TMED3: variants seen among roughly 807,000 people sequenced by gnomAD.
TMED3 encodes the protein transmembrane emp24 domain-containing protein 3.
Under a neutral mutation model 15.0 loss-of-function variants are expected in TMED3, and 9 were observed. The ratio of observed to expected loss-of-function variants is 0.60; its 90% CI spans 0.36 to 1.04. The LOEUF (loss-of-function observed/expected upper bound fraction) is 1.04. Ranked by LOEUF, TMED3 falls within the 50% of genes least tolerant of loss-of-function variation. TMED3 has a pLI of 0.01. For synonymous variants in TMED3, 117 were observed against 121.4 expected, an observed-to-expected ratio of 0.96 and a Z score of 0.24; for missense variants, 267 against 278.9, an observed-to-expected ratio of 0.96 and a Z score of 0.30.
intron 2 of TMED3, among the ~76,000 whole-genome samples, chr15:79,350,164 G>A (rs1167245173): frequency 6.6e-6 from 1 of 152,176 alleles, no homozygotes; most frequent in Non-Finnish European, 1.5e-5. Context: ...ATAGATGGCT[G>A]TGCGGATGGA....
chr15:79,382,745 T>G (rs946713950), intron 2 of TMED3, among the ~76,000 whole-genome samples: 18 of 152,226 alleles, frequency 1.2e-4, no homozygotes, highest in African/African-American at 4.3e-4. Flanking sequence ...GTATGGCTAA[T>G]GGCTTTTTCA....
chr15:79,340,194 C>G (rs1355263865), intron 2 of TMED3, among the ~76,000 whole-genome samples: 1 of 152,154 alleles, frequency 6.6e-6, no homozygotes, highest in African/African-American at 2.4e-5. Flanking sequence ...GAAATGACCA[C>G]AAGAGGACAG....
exon 3 of TMED3, chr15:79,413,789 A>C (rs1359109758): frequency 1.3e-5 from 2 of 152,248 alleles, no homozygotes; most frequent in Non-Finnish European, 2.9e-5. Context: ...CCTTCATACC[A>C]ACCTCGTCAT....
intron 2 of TMED3, among the ~76,000 whole-genome samples, chr15:79,379,468 A>C (rs1331839230): frequency 6.6e-6 from 1 of 152,218 alleles, no homozygotes; most frequent in African/African-American, 2.4e-5. Flanking sequence ...TATTTTCCAA[A>C]GAACAATTAA....
chr15:79,316,308 T>C (rs1002181984), intron 2 of TMED3, among the ~76,000 whole-genome samples: 8 of 152,170 alleles, frequency 5.3e-5, no homozygotes, highest in Non-Finnish European at 4.4e-5. Flanking sequence ...GCCAGGAGAA[T>C]GCGACTTCAG....
intron 2 of TMED3, among the ~76,000 whole-genome samples, chr15:79,349,489 C>A (rs963315687): frequency 9.9e-5 from 15 of 152,030 alleles, no homozygotes; most frequent in Admixed American, 6.6e-4. Flanking sequence ...GAATTTTGAA[C>A]CACCTGTGTG....
At chr15:79,329,716 A>C (rs917979195) in intron 2 of TMED3, among the ~76,000 whole-genome samples, 1 of 152,192 alleles carries the variant, frequency 6.6e-6, no homozygotes, top group African/African-American at 2.4e-5. Context: ...GAGCTGCTGA[A>C]TAAAACCATA....
chr15:79,311,601 C>A, intron 1 of TMED3, among the ~76,000 whole-genome samples, 184 bp downstream of exon 1: 1 of 152,198 alleles, frequency 6.6e-6, no homozygotes, highest in Non-Finnish European at 1.5e-5. Flanking sequence ...CATCAGGGCC[C>A]ACCCGAGACG....
rs542819241 is a variant in TMED3, at chr15:79,354,844, C to T, written c.417+40839C>T. 1.6e-3 allele frequency among the ~76,000 whole-genome samples: 238 copies of T among 152,230 alleles called. 3 individuals are homozygous for T. The highest frequency in any genetic ancestry group is 5.6e-3 in the African/African-American group (233 of 41,520). On this transcript the variant is annotated intron_variant, in intron 2 of 2. Transcript: ENST00000424155. ...CTGTTCCCCTTCAAGCTCTGCCCCC[C>T]CATTCCGTTTTTAGCTTGATTCTGA... is the stretch of plus-strand genomic sequence containing the variant.
intron 2 of TMED3, among the ~76,000 whole-genome samples, chr15:79,399,895 T>A (rs1425391076): frequency 6.6e-6 from 1 of 152,172 alleles, no homozygotes; most frequent in Non-Finnish European, 1.5e-5. Flanking sequence ...AGGCAGGGCC[T>A]CTTCCTCTCC....
Position 79,344,433 on chromosome 15 carries a change from A to G in TMED3, c.417+30428A>G, listed in dbSNP as rs181502315. The stretch of plus-strand genomic sequence containing the variant: ...GATGCTCTGGGGAAGAGCTCATTCC[A>G]TGTCTCTCTCCAGGATTCTGGTGGC... On this transcript the variant is annotated intron_variant, in intron 2 of 2. Coordinates refer to the TMED3 transcript ENST00000424155. 2.6e-5 allele frequency among the ~76,000 whole-genome samples: 4 copies of G among 152,288 alleles called. No homozygotes were observed. In the East Asian group the frequency reaches 7.7e-4, roughly 29 times the overall value.
At chr15:79,354,882 G>A (rs1260273906) in intron 2 of TMED3, among the ~76,000 whole-genome samples, 2 of 152,108 alleles carry the variant, frequency 1.3e-5, no homozygotes, top group African/African-American at 4.8e-5. Context: ...TTTCTCTGGG[G>A]TGAAGATGTT....
intron 2 of TMED3, among the ~76,000 whole-genome samples, chr15:79,328,783 GGA>G (rs2058796794): frequency 6.6e-6 from 1 of 152,222 alleles, no homozygotes; most frequent in African/African-American, 2.4e-5. Context: ...AGGGGTCTGT[GGA>G]GAGGGGTGGG....
At chr15:79,325,852 A>G (rs1412641290), downstream of TMED3, among the ~76,000 whole-genome samples, 1 of 152,182 alleles carries the variant, frequency 6.6e-6, no homozygotes, top group Non-Finnish European at 1.5e-5. Context: ...AAGCCGGAAG[A>G]CTCAGCAAGC....
intron 2 of TMED3, among the ~76,000 whole-genome samples, chr15:79,410,264 A>T (rs750947432): frequency 4.6e-5 from 7 of 152,188 alleles, no homozygotes; most frequent in African/African-American, 1.2e-4. Context: ...TTATAGATTC[A>T]TAGAAAACTA....
Position 79,322,243 on chromosome 15 carries a change from T to C in TMED3, c.*29T>C. 1 of 1,595,138 alleles carries C rather than the reference T, an allele frequency of 6.3e-7. No individual in the cohort carries two copies. Among genetic ancestry groups the C allele is most frequent in the Non-Finnish European group, 8.6e-7 (1 of 1,169,068 alleles). On this transcript the variant is annotated 3_prime_UTR_variant, in exon 3 of 3. Transcript: ENST00000299705. ...CGGCATCCTGCTCTAGGGCCCCTCATGCCCCAGGCTGGAGCAGCTCTCCTA... is the reference window on the plus strand; with the variant it reads ...CGGCATCCTGCTCTAGGGCCCCTCACGCCCCAGGCTGGAGCAGCTCTCCTA...
chr15:79,384,265 G>C (rs568458489), intron 2 of TMED3: 2 of 152,248 alleles, frequency 1.3e-5, no homozygotes, highest in East Asian at 3.8e-4. Flanking sequence ...GAACAGGGTA[G>C]AAATAAATAG....
intron 2 of TMED3, among the ~76,000 whole-genome samples, chr15:79,350,972 G>A (rs1385786571): frequency 2.0e-5 from 3 of 152,136 alleles, no homozygotes; most frequent in Non-Finnish European, 4.4e-5. Context: ...AGAGATATGG[G>A]TTATGGTCTC....
At chr15:79,394,819 T>C (rs1385590094) in intron 2 of TMED3, among the ~76,000 whole-genome samples, 1 of 152,222 alleles carries the variant, frequency 6.6e-6, no homozygotes, top group Non-Finnish European at 1.5e-5. Context: ...AGAAATTAAA[T>C]ATTCCAGAGA....
Sources: allele counts gnomAD v4.1 joint callset (sites outside exome capture counted in the v4.1 genomes callset), GRCh38; gene constraint gnomAD v4.1.1; transcripts MANE v1.5; gene names NCBI Gene and HGNC (gene_info 2026-07-23, HGNC 2026-07-21).